SCOC: variants seen among roughly 807,000 people sequenced by gnomAD.
SCOC encodes short coiled coil protein.
In SCOC, 7 loss-of-function variants were observed where a neutral mutation model predicts 9.9. The observed-to-expected ratio is 0.71, with a 90% CI of 0.40 to 1.33. The LOEUF (loss-of-function observed/expected upper bound fraction) is 1.33, where lower values mean the gene tolerates loss of function less well. Ranked by LOEUF, SCOC falls within the 40% of genes most tolerant of loss-of-function variation. The pLI, the probability that SCOC is intolerant of heterozygous loss-of-function variation, is 0.01. For synonymous variants in SCOC, 19 were observed against 28.2 expected (o/e 0.67, Z 1.03); for missense variants, 66 against 89.7 (o/e 0.74, Z 1.07).
intron 1 of SCOC, among the ~76,000 whole-genome samples, chr4:140,299,531 G>A (rs959311303): frequency 1.3e-5 from 2 of 152,158 alleles, no homozygotes; most frequent in Non-Finnish European, 2.9e-5. Flanking sequence ...ATCAACAAAT[G>A]TTGCTATAGC....
At chr4:140,374,011 C>G (rs1444598697) in intron 1 of SCOC, 3 of 591,608 alleles carry the variant, frequency 5.1e-6, no homozygotes, top group Non-Finnish European at 9.5e-6. Flanking sequence ...CCCCGCAGCT[C>G]CTGGGTCGGG....
intron 1 of SCOC, among the ~76,000 whole-genome samples, chr4:140,326,458 CA>C (rs949516484): frequency 6.6e-6 from 1 of 151,922 alleles, no homozygotes; most frequent in Non-Finnish European, 1.5e-5. Context: ...GAAAACAAAA[CA>C]AAAAAACAAA....
chr4:140,355,226 TA>T (rs201009368), intron 2 of SCOC, among the ~76,000 whole-genome samples: 11,913 of 121,962 alleles, frequency 0.098, 698 homozygotes, highest in African/African-American at 0.18. Context: ...TATATATATA[TA>T]TATATATATA....
At chr4:140,306,172 A>G (rs972317888) in intron 1 of SCOC, among the ~76,000 whole-genome samples, 2 of 152,170 alleles carry the variant, frequency 1.3e-5, no homozygotes, top group African/African-American at 4.8e-5. Context: ...AATGAGGATC[A>G]TAGTCACGTC....
chr4:140,330,759 A>G (rs1034864085), intron 1 of SCOC, among the ~76,000 whole-genome samples: 3 of 152,234 alleles, frequency 2.0e-5, no homozygotes, highest in African/African-American at 7.2e-5. Context: ...TTGTGAGGAT[A>G]TGGACATGAA....
At chr4:140,342,313 G>A (rs562882228), upstream of SCOC, among the ~76,000 whole-genome samples, 4 of 152,186 alleles carry the variant, frequency 2.6e-5, no homozygotes, top group East Asian at 5.8e-4. Flanking sequence ...CCTTCTCTAA[G>A]CCTTTCAGGG....
intron 2 of SCOC, among the ~76,000 whole-genome samples, chr4:140,360,480 G>C (rs1727417469): frequency 6.6e-6 from 1 of 152,150 alleles, no homozygotes; most frequent in Non-Finnish European, 1.5e-5. Context: ...TAAGCGTGAA[G>C]AGCCACCACC....
chr4:140,322,229 T>G (rs920091525), intron 1 of SCOC, among the ~76,000 whole-genome samples: 1 of 152,216 alleles, frequency 6.6e-6, no homozygotes, highest in African/African-American at 2.4e-5. Context: ...TGGAAGCAAC[T>G]TTGTAACTGG....
chr4:140,340,783 C>CTTTTTTTTTTTTTTTTTTTTT (rs36136647), upstream of SCOC, among the ~76,000 whole-genome samples: 1 of 40,476 alleles, frequency 2.5e-5, no homozygotes, highest in Non-Finnish European at 4.7e-5. Flanking sequence ...TGCTGCCTAA[C>CTTTTTTTTTTTTTTTTTTTTT]TTTTTTTTTT....
chr4:140,270,930 G>A (rs1323151828), intron 1 of SCOC, among the ~76,000 whole-genome samples: 1 of 152,114 alleles, frequency 6.6e-6, no homozygotes, highest in Non-Finnish European at 1.5e-5. Context: ...CTTCACCAAG[G>A]GGAGGACCTA....
intron 1 of SCOC, among the ~76,000 whole-genome samples, chr4:140,288,673 T>C (rs1731375624): frequency 6.6e-6 from 1 of 151,798 alleles, no homozygotes; most frequent in Non-Finnish European, 1.5e-5. Context: ...CACACATGTA[T>C]ATATACCACA....
intron 1 of SCOC, among the ~76,000 whole-genome samples, chr4:140,297,636 CT>C (rs920297683): frequency 4.7e-4 from 72 of 152,254 alleles, no homozygotes; most frequent in African/African-American, 1.7e-3. Flanking sequence ...ATAGGATAAA[CT>C]GATTTATTAA....
At chr4:140,329,604 A>G (rs1732749832) in intron 1 of SCOC, among the ~76,000 whole-genome samples, 1 of 152,132 alleles carries the variant, frequency 6.6e-6, no homozygotes, top group Non-Finnish European at 1.5e-5. Context: ...AATCAGCAAG[A>G]AAAAAACAAA....
chr4:140,381,205 A>G lies in SCOC; in HGVS notation c.*101A>G, dbSNP rs181687143. On this transcript the variant is annotated 3_prime_UTR_variant, in exon 4 of 4. Transcript: ENST00000608372. Reference sequence around the variant, plus strand: ...TACAGTACCTTTGTGGCTTCATTGAATATTTATGAAGATAATGTCAGATGT... The same window carrying G: ...TACAGTACCTTTGTGGCTTCATTGAGTATTTATGAAGATAATGTCAGATGT... 20 of 1,134,396 alleles carry G rather than the reference A, an allele frequency of 1.8e-5. No homozygotes were observed. The Admixed American group carries it at 4.7e-4, about 27-fold the overall frequency. The allele number at this position is 1,134,396 out of a possible 1,614,324, so 70.3% of individuals were successfully genotyped here.
chr4:140,315,781 G>C (rs1352067360), intron 1 of SCOC, among the ~76,000 whole-genome samples: 1 of 152,104 alleles, frequency 6.6e-6, no homozygotes, highest in Non-Finnish European at 1.5e-5. Context: ...ACTTTTACCT[G>C]GTTCTTGCTT....
intron 2 of SCOC, among the ~76,000 whole-genome samples, chr4:140,351,625 T>A (rs1392650304): frequency 2.0e-5 from 3 of 152,052 alleles, no homozygotes; most frequent in Admixed American, 6.6e-5. Context: ...TGATGCTTCC[T>A]ACCACTATAT....
chr4:140,321,055 A>C (rs543828434), intron 1 of SCOC, among the ~76,000 whole-genome samples: 1 of 152,136 alleles, frequency 6.6e-6, no homozygotes, highest in Admixed American at 6.6e-5. Context: ...CAAAGGGGAG[A>C]CTCAAAACCA....
chr4:140,339,532 C>A (rs965159820), upstream of SCOC, among the ~76,000 whole-genome samples: 19 of 152,042 alleles, frequency 1.2e-4, no homozygotes, highest in African/African-American at 1.9e-4. Context: ...AATGGGAGAA[C>A]ATTTTTGCAA....
intron 2 of SCOC, among the ~76,000 whole-genome samples, chr4:140,365,903 T>C (rs1727772411): frequency 6.6e-6 from 1 of 152,222 alleles, no homozygotes; most frequent in Non-Finnish European, 1.5e-5. Context: ...CAATTATACT[T>C]TGGGGGAGTC....
Sources: allele counts gnomAD v4.1 joint callset (sites outside exome capture counted in the v4.1 genomes callset), GRCh38; gene constraint gnomAD v4.1.1; transcripts MANE v1.5; gene names NCBI Gene and HGNC (gene_info 2026-07-23, HGNC 2026-07-21).